ADK: variants seen among roughly 807,000 people sequenced by gnomAD.
ADK encodes adenosine kinase, also known as N6,N6-dimethyladenosine kinase.
ADK carries 24 observed loss-of-function variants against 44.7 expected under a neutral mutation model. That is an observed-to-expected ratio of 0.54 (90% CI 0.39 to 0.76). The LOEUF (loss-of-function observed/expected upper bound fraction) is 0.76. ADK is among the 30% of genes least tolerant of loss of function. ADK has a pLI of 0.00. For missense variants in ADK, 321 were observed against 425.1 expected (o/e 0.76, Z 2.15); for synonymous variants, 128 against 142.6 (o/e 0.90, Z 0.73).
chr10:74,328,640 G>A (rs1304430857), intron 4 of ADK, among the ~76,000 whole-genome samples: 1 of 152,006 alleles, frequency 6.6e-6, no homozygotes, highest in African/African-American at 2.4e-5. Context: ...CAAATCTGAT[G>A]GTTTTATAAG....
chr10:74,294,662 A>G (rs904795044), intron 3 of ADK, among the ~76,000 whole-genome samples: 20 of 152,142 alleles, frequency 1.3e-4, no homozygotes, highest in Non-Finnish European at 4.4e-5. Flanking sequence ...CAGACAAACA[A>G]CTGTTTAGTT....
chr10:74,531,259 C>T (rs1213621541), intron 7 of ADK, among the ~76,000 whole-genome samples: 1 of 152,084 alleles, frequency 6.6e-6, no homozygotes, highest in African/African-American at 2.4e-5. Context: ...CACGAGGCTT[C>T]AAGTAGAGTA....
At chr10:74,372,087 G>A (rs189010078) in intron 4 of ADK, 22 of 753,614 alleles carry the variant, frequency 2.9e-5, no homozygotes, top group South Asian at 2.2e-4. Context: ...AGGTTTGCGC[G>A]CGTGTGGCAC....
intron 3 of ADK, among the ~76,000 whole-genome samples, chr10:74,264,107 A>C (rs568511028): frequency 1.3e-5 from 2 of 152,340 alleles, no homozygotes; most frequent in African/African-American, 4.8e-5. Flanking sequence ...ACTAGTGAGT[A>C]ATGTATTGGA....
At position 74,611,190 on chromosome 10, in the gene ADK, A is replaced by AT. The variant is rs1226604849; in HGVS notation, c.877+10704dup. Among the ~76,000 whole-genome samples the AT allele has an allele frequency of 2.0e-5, 3 of 151,668 alleles. No individual in the cohort carries two copies. The East Asian group carries it at 5.8e-4, about 29-fold the overall frequency. ...AGGTGCCTACCACCCTGCCCAGCTA[A>AT]TTTTTTTGTATTTTTTCTTTGGTGG... On this transcript the variant is annotated intron_variant, in intron 9 of 10. Transcript: ENST00000539909.
intron 7 of ADK, among the ~76,000 whole-genome samples, chr10:74,566,858 G>A (rs1850688103): frequency 1.3e-5 from 2 of 152,192 alleles, no homozygotes; most frequent in East Asian, 3.8e-4. Flanking sequence ...AAAGATAGCA[G>A]TAGAAAAGAA....
chr10:74,538,087 T>C (rs1226606482), intron 7 of ADK, among the ~76,000 whole-genome samples: 1 of 152,056 alleles, frequency 6.6e-6, no homozygotes, highest in Admixed American at 6.6e-5. Flanking sequence ...TGAAACCCCA[T>C]CTCTAATAAA....
At chr10:74,534,856 CT>C (rs1423870910) in intron 7 of ADK, among the ~76,000 whole-genome samples, 1 of 152,210 alleles carries the variant, frequency 6.6e-6, no homozygotes, top group Non-Finnish European at 1.5e-5. Flanking sequence ...TACCACCTTA[CT>C]TCTGTTCCAA....
intron 3 of ADK, among the ~76,000 whole-genome samples, chr10:74,228,322 G>C (rs745569691): frequency 2.0e-5 from 3 of 152,152 alleles, no homozygotes; most frequent in Admixed American, 6.5e-5. Context: ...ATTTTAAGTA[G>C]AGAAAGCTGA....
At chr10:74,695,143 A>C (rs1368263372) in intron 10 of ADK, among the ~76,000 whole-genome samples, 1 of 152,092 alleles carries the variant, frequency 6.6e-6, no homozygotes, top group Non-Finnish European at 1.5e-5. Flanking sequence ...ATTATTATAG[A>C]TTTTTAGAAG....
chr10:74,219,504 C>T (rs1207166053), intron 2 of ADK, among the ~76,000 whole-genome samples: 6 of 152,194 alleles, frequency 3.9e-5, no homozygotes, highest in Admixed American at 3.9e-4. Flanking sequence ...GAACTCAGCT[C>T]TGCACCAAGC....
intron 1 of ADK, among the ~76,000 whole-genome samples, chr10:74,186,263 C>T (rs987925014): frequency 4.0e-5 from 6 of 150,916 alleles, no homozygotes; most frequent in Non-Finnish European, 7.4e-5. Context: ...TCCCCTTTCC[C>T]TTCTCCCTTC....
At chr10:74,439,720 TCAAG>T (rs2133127155) in intron 6 of ADK, among the ~76,000 whole-genome samples, 1 of 152,224 alleles carries the variant, frequency 6.6e-6, no homozygotes, top group South Asian at 2.1e-4. Flanking sequence ...ATACGATAAA[TCAAG>T]CAAACATTCT....
chr10:74,553,164 A>C (rs1158240954), intron 7 of ADK, among the ~76,000 whole-genome samples: 1 of 150,696 alleles, frequency 6.6e-6, no homozygotes, highest in Non-Finnish European at 1.5e-5. Flanking sequence ...CATGTTCATT[A>C]ACAAGACAAT....
At chr10:74,541,554 A>T (rs1326994959) in intron 7 of ADK, among the ~76,000 whole-genome samples, 1 of 152,014 alleles carries the variant, frequency 6.6e-6, no homozygotes, top group Non-Finnish European at 1.5e-5. Context: ...TTCAGTGTGG[A>T]GTTTCCTCAT....
intron 1 of ADK, among the ~76,000 whole-genome samples, chr10:74,194,489 C>G (rs1279156252): frequency 6.6e-6 from 1 of 152,016 alleles, no homozygotes; most frequent in Non-Finnish European, 1.5e-5. Flanking sequence ...TGAGTAGATT[C>G]AATGTCCTTT....
At chr10:74,292,780 G>A (rs1839667047) in intron 3 of ADK, among the ~76,000 whole-genome samples, 1 of 152,030 alleles carries the variant, frequency 6.6e-6, no homozygotes, top group Non-Finnish European at 1.5e-5. Context: ...AATCGCTAAA[G>A]TCATCTGTAC....
rs142477111 is a variant in ADK at position 74,394,296 on chromosome 10, C to T, written c.429C>T (p.Cys143=). 2.6e-4 allele frequency: 419 copies of T among 1,613,804 alleles called. 1 individual carries two copies. The highest frequency in any genetic ancestry group is 1.3e-4 in the Non-Finnish European group (155 of 1,179,942). The part of the protein sequence containing the change: ...NEQPTGTCAA[C]ITGDNRSLIA... ...AGCCAACAGGAACTTGTGCTGCATG[C>T]ATCACTGGTGACAACAGGTCAGTGT... The change falls in exon 5 of 11, where the codon TGC becomes TGT. Residue 143 remains cysteine, a synonymous_variant. Transcript: ENST00000539909.
chr10:74,593,173 G>A (rs1354132031), intron 8 of ADK, among the ~76,000 whole-genome samples: 1 of 152,182 alleles, frequency 6.6e-6, no homozygotes, highest in East Asian at 1.9e-4. Flanking sequence ...CCTAAATCAG[G>A]CCCTGCTGGC....
Sources: allele counts gnomAD v4.1 joint callset (sites outside exome capture counted in the v4.1 genomes callset), GRCh38; gene constraint gnomAD v4.1.1; transcripts MANE v1.5; gene names NCBI Gene and HGNC (gene_info 2026-07-23, HGNC 2026-07-21).